The following SLC4A7 variants were observed in gnomAD, a reference collection of about 807,000 sequenced individuals.
SLC4A7 encodes sodium bicarbonate cotransporter 3.
A neutral mutation model predicts 137.6 loss-of-function variants in SLC4A7; 51 were observed. The observed-to-expected ratio is 0.37, with a 90% CI of 0.30 to 0.47. The LOEUF (loss-of-function observed/expected upper bound fraction) is 0.47, where lower values mean the gene tolerates loss of function less well. Ranked by LOEUF, SLC4A7 falls within the 20% of genes least tolerant of loss-of-function variation. The pLI is 1.00. For missense variants in SLC4A7, 1,247 were observed against 1,525.4 expected (o/e 0.82, Z 3.04); for synonymous variants, 542 against 518.6 (o/e 1.05, Z -0.61).
chr3:27,405,633 T>A, intron 13 of SLC4A7, among the ~76,000 whole-genome samples: 1 of 152,108 alleles, frequency 6.6e-6, no homozygotes. Context: ...AGGTGATAAA[T>A]CAACATGTGA....
intron 1 of SLC4A7, among the ~76,000 whole-genome samples, chr3:27,453,140 A>C (rs1354461672): frequency 6.6e-6 from 1 of 152,226 alleles, no homozygotes; most frequent in East Asian, 1.9e-4. Context: ...GACTAAACAT[A>C]TTTATTAGAA....
Position 27,376,606 on chromosome 3 carries a change from A to G in SLC4A7, c.*158T>C. On this transcript the variant is annotated 3_prime_UTR_variant, in exon 26 of 26. Coordinates refer to ENST00000454389, the MANE Select transcript of SLC4A7 (RefSeq NM_001321103.2). ...AAAGAGAGCATTTCATTAAATACAT[A>G]GTCTCCACGGTGCTCATTACAAACT... 2.4e-6 allele frequency: 1 copy of G among 424,076 alleles called. No individual in the cohort carries two copies. Among genetic ancestry groups the G allele is most frequent in the East Asian group, 3.8e-5 (1 of 26,586 alleles). The allele number at this position is 424,076 out of a possible 1,614,324, so 26.3% of individuals were successfully genotyped here. A position where few individuals can be genotyped will look rare whatever the true frequency, so the allele number is the denominator to read the frequency against.
intron 3 of SLC4A7, among the ~76,000 whole-genome samples, chr3:27,446,884 TGTTTTTTTTG>T (rs768335786): frequency 0.021 from 2,145 of 100,232 alleles, 84 homozygotes; most frequent in Non-Finnish European, 0.029. Flanking sequence ...TGTTTTTTTT[TGTTTTTTTTG>T]TTTTTTTTAA....
chr3:27,411,285 ACT>A (rs1004098653), intron 12 of SLC4A7, among the ~76,000 whole-genome samples: 4 of 151,994 alleles, frequency 2.6e-5, no homozygotes, highest in African/African-American at 7.2e-5. Flanking sequence ...AGTTGTAATT[ACT>A]CTCTGTTCCC....
intron 1 of SLC4A7, 39 bp from the exon 2 acceptor site, chr3:27,452,537 A>G (rs369160694): frequency 4.2e-6 from 6 of 1,412,410 alleles, no homozygotes; most frequent in Non-Finnish European, 5.9e-6. Context: ...TGAGATCACA[A>G]TCTATTGAGG....
intron 11 of SLC4A7, among the ~76,000 whole-genome samples, chr3:27,416,456 T>C (rs559726417): frequency 1.1e-4 from 17 of 152,320 alleles, no homozygotes; most frequent in African/African-American, 3.8e-4. Flanking sequence ...AATAGATTTG[T>C]ATATATCTTA....
chr3:27,393,779 T>C (rs1207355273), intron 20 of SLC4A7, among the ~76,000 whole-genome samples: 1 of 152,106 alleles, frequency 6.6e-6, no homozygotes, highest in Non-Finnish European at 1.5e-5. Flanking sequence ...GCACAAAATG[T>C]AAATGTTAAT....
rs770314159 is a variant in SLC4A7 at position 27,484,052 on chromosome 3, C to G, written c.60+15G>C. On this transcript the variant is annotated intron_variant, in intron 1 of 25. Transcript: ENST00000454389. ...CTCCCCCTGCGGAGGAGCCCCACCGCCGCGGCGCCCTCACCCTGCTCGTTA... is the reference window on the plus strand; with the variant it reads ...CTCCCCCTGCGGAGGAGCCCCACCGGCGCGGCGCCCTCACCCTGCTCGTTA... 1.6e-5 allele frequency: 22 copies of G among 1,395,220 alleles called. No homozygotes were observed. In the South Asian group the frequency reaches 3.3e-4, roughly 21 times the overall value. 86.4% of individuals were successfully genotyped at this position (1,395,220 alleles called of 1,614,324 possible).
chr3:27,379,526 G>A (rs535050585), intron 24 of SLC4A7, among the ~76,000 whole-genome samples, 170 bp from the exon 25 acceptor site: 7 of 152,138 alleles, frequency 4.6e-5, no homozygotes, highest in Admixed American at 2.6e-4. Context: ...CTTTCTAATC[G>A]AAACTAGGAG....
chr3:27,428,096 T>C (rs974840928), intron 7 of SLC4A7, among the ~76,000 whole-genome samples: 10 of 152,162 alleles, frequency 6.6e-5, no homozygotes, highest in Admixed American at 5.9e-4. Flanking sequence ...CAAGGAAAAA[T>C]AGTAAATCTT....
intron 1 of SLC4A7, among the ~76,000 whole-genome samples, chr3:27,473,587 A>G (rs902213382): frequency 4.0e-5 from 6 of 151,126 alleles, no homozygotes; most frequent in Admixed American, 2.0e-4. Flanking sequence ...GCGTGCCTGT[A>G]GTCCCAGCTA....
chr3:27,415,524 C>G (rs1270945124), intron 11 of SLC4A7, among the ~76,000 whole-genome samples: 1 of 152,144 alleles, frequency 6.6e-6, no homozygotes, highest in East Asian at 1.9e-4. Context: ...AGCATTATTT[C>G]CAGAACAGAG....
chr3:27,400,687 T>C (rs2052657977), intron 16 of SLC4A7, 77 bp downstream of exon 16: 1 of 810,752 alleles, frequency 1.2e-6, no homozygotes, highest in Non-Finnish European at 2.0e-6. Flanking sequence ...CAAGAGAAAA[T>C]GGATGTCTGA....
chr3:27,448,268 C>T (rs1019558438), intron 3 of SLC4A7, among the ~76,000 whole-genome samples: 1 of 147,714 alleles, frequency 6.8e-6, no homozygotes, highest in Non-Finnish European at 1.5e-5. Context: ...ACTTCCATGA[C>T]AGCCTTAGCA....
At chr3:27,463,844 G>A (rs60391220) in intron 1 of SLC4A7, among the ~76,000 whole-genome samples, 4,811 of 152,118 alleles carry the variant, frequency 0.032, 260 homozygotes, top group African/African-American at 0.11. Context: ...TCTTTTCGCC[G>A]GCTAAGTTCA....
At chr3:27,399,533 C>G (rs932247230) in intron 16 of SLC4A7, among the ~76,000 whole-genome samples, 1 of 152,124 alleles carries the variant, frequency 6.6e-6, no homozygotes, top group African/African-American at 2.4e-5. Flanking sequence ...CTCCTGGGCT[C>G]AAGTGATTCT....
intron 7 of SLC4A7, chr3:27,428,145 A>G (rs2150349066): frequency 6.5e-6 from 1 of 152,804 alleles, no homozygotes; most frequent in East Asian, 1.9e-4. Flanking sequence ...ACTTCTGAAT[A>G]ATTATTTTTA....
chr3:27,439,609 G>A (rs1180289730), intron 3 of SLC4A7, among the ~76,000 whole-genome samples: 1 of 152,042 alleles, frequency 6.6e-6, no homozygotes, highest in Non-Finnish European at 1.5e-5. Flanking sequence ...AACTCACTTA[G>A]TTCTCTTAAG....
intron 1 of SLC4A7, among the ~76,000 whole-genome samples, chr3:27,480,365 C>T (rs2059656530): frequency 2.0e-5 from 3 of 152,156 alleles, no homozygotes; most frequent in South Asian, 2.1e-4. Flanking sequence ...TCCCAAGTAG[C>T]TGGGACTACA....
Sources: gnomAD v4.1 joint callset for allele counts (sites outside exome capture counted in the v4.1 genomes callset) on GRCh38, gnomAD v4.1.1 for gene constraint, MANE v1.5 for transcripts, NCBI Gene and HGNC (gene_info 2026-07-23, HGNC 2026-07-21) for gene names.